KRABD1: variants seen among roughly 807,000 people sequenced by gnomAD.
The protein encoded by KRABD1 is KRAB domain containing 1.
At chr3:42,942,515 G>A in the KRABD1 span, 5 of 662,428 alleles carry the variant, frequency 7.5e-6, no homozygotes, top group African/African-American at 1.9e-5. Flanking sequence ...GCTTACAGTT[G>A]TTATGATTTT....
the KRABD1 span, chr3:42,941,997 A>T: frequency 6.5e-7 from 1 of 1,536,016 alleles, no homozygotes; most frequent in South Asian, 1.2e-5. Context: ...TCTCATCTGG[A>T]GCAAGGGAAA....
chr3:42,938,994 A>G, the KRABD1 span: 71 of 1,207,652 alleles, frequency 5.9e-5, no homozygotes, highest in Non-Finnish European at 1.3e-5. Flanking sequence ...TGTTTATTAG[A>G]TACATACATA....
At chr3:42,942,610 GA>G in the KRABD1 span, 8 of 1,438,026 alleles carry the variant, frequency 5.6e-6, no homozygotes, top group Non-Finnish European at 6.5e-6. Flanking sequence ...AAAATTTTTC[GA>G]AATCGTCAAT....
the KRABD1 span, chr3:42,941,154 A>C: frequency 1.4e-6 from 2 of 1,434,528 alleles, no homozygotes; most frequent in African/African-American, 2.8e-5. Flanking sequence ...TGCCCTTCTC[A>C]GGTCTCTCAT....
the KRABD1 span, chr3:42,939,058 GTA>G: frequency 1.7e-5 from 11 of 632,666 alleles, no homozygotes; most frequent in African/African-American, 5.4e-5. Context: ...ATATATGTGT[GTA>G]TGTGTACACA....
the KRABD1 span, among the ~76,000 whole-genome samples, chr3:42,939,302 G>A: frequency 3.9e-5 from 6 of 152,096 alleles, no homozygotes; most frequent in East Asian, 5.8e-4. Context: ...CTTGAACTTC[G>A]TATAAGTGGA....
At chr3:42,942,677 G>A in the KRABD1 span, 1 of 877,756 alleles carries the variant, frequency 1.1e-6, no homozygotes, top group Non-Finnish European at 1.7e-6. Context: ...AGTTTTCCAA[G>A]TAAGGAGTTG....
chr3:42,941,340 G>A, the KRABD1 span: 7 of 1,594,736 alleles, frequency 4.4e-6, 1 homozygote, highest in South Asian at 7.8e-5. Context: ...CTATGAGGCT[G>A]TGGCCTTTGT....
the KRABD1 span, chr3:42,938,782 A>G: frequency 1.5e-6 from 1 of 650,768 alleles, no homozygotes; most frequent in Non-Finnish European, 2.6e-6. Flanking sequence ...CAGATGGGTC[A>G]GAGGTTGTTT....
the KRABD1 span, chr3:42,937,933 A>G: frequency 1.3e-5 from 2 of 152,226 alleles, no homozygotes; most frequent in Non-Finnish European, 2.9e-5. Flanking sequence ...TTTAAGGTCT[A>G]TGAGTATATG....
the KRABD1 span, chr3:42,941,166 G>C: frequency 6.7e-7 from 1 of 1,501,246 alleles, no homozygotes; most frequent in Non-Finnish European, 8.9e-7. Flanking sequence ...GTCTCTCATT[G>C]GCAGATTTGA....
At chr3:42,938,001 C>T in the KRABD1 span, 1 of 152,166 alleles carries the variant, frequency 6.6e-6, no homozygotes, top group Non-Finnish European at 1.5e-5. Flanking sequence ...CTGTTGGCAG[C>T]TCTTTGTATT....
At chr3:42,941,199 T>C in the KRABD1 span, 1 of 1,539,068 alleles carries the variant, frequency 6.5e-7, no homozygotes, top group Non-Finnish European at 8.7e-7. Flanking sequence ...TACTGAGGTC[T>C]GGGAAAGTAG....
At chr3:42,942,727 C>T in the KRABD1 span, 1 of 464,800 alleles carries the variant, frequency 2.2e-6, no homozygotes, top group Non-Finnish European at 3.7e-6. Context: ...TACACATTTT[C>T]TTTTTCTGTA....
the KRABD1 span, chr3:42,938,930 A>T: frequency 6.5e-7 from 1 of 1,531,470 alleles, no homozygotes; most frequent in Non-Finnish European, 8.7e-7. Context: ...ACCAGGCCCC[A>T]GGTGAGCTGT....
At chr3:42,938,625 T>C in the KRABD1 span, 1 of 342,656 alleles carries the variant, frequency 2.9e-6, no homozygotes, top group Admixed American at 3.9e-5. Context: ...TAGCTGAAAT[T>C]ATAGTTTTCT....
chr3:42,941,452 G>T, the KRABD1 span: 1 of 1,285,024 alleles, frequency 7.8e-7, no homozygotes, highest in Non-Finnish European at 1.0e-6. Context: ...AAGGTTGCCA[G>T]GTATAGAAAG....
the KRABD1 span, chr3:42,939,031 A>G: frequency 1.2e-6 from 1 of 844,148 alleles, no homozygotes; most frequent in Non-Finnish European, 1.8e-6. Flanking sequence ...ACATTTACAT[A>G]TATATAACAT....
At chr3:42,938,193 A>G in the KRABD1 span, 1 of 152,206 alleles carries the variant, frequency 6.6e-6, no homozygotes, top group African/African-American at 2.4e-5. Context: ...ACATGTTATG[A>G]AGTTGATGGA....
Sources: allele counts gnomAD v4.1 joint callset (sites outside exome capture counted in the v4.1 genomes callset), GRCh38; gene constraint gnomAD v4.1.1; transcripts MANE v1.5; gene names NCBI Gene and HGNC (gene_info 2026-07-23, HGNC 2026-07-21).